The following CSMD1 variants were observed in gnomAD, a reference collection of about 807,000 sequenced individuals.
CSMD1 encodes the protein CUB and Sushi multiple domains 1.
A neutral mutation model predicts 417.5 loss-of-function variants in CSMD1; 213 were observed. The ratio of observed to expected loss-of-function variants is 0.51; its 90% CI spans 0.46 to 0.57. The LOEUF is 0.57. CSMD1 is among the 20% of genes least tolerant of loss of function. CSMD1 has a pLI of 0.00. For missense variants in CSMD1, 6,923 were observed against 4,529.7 expected (o/e 1.53, Z -15.17); for synonymous variants, 2,862 against 1,736.8 (o/e 1.65, Z -16.11).
chr8:3,289,442 A>G (rs1215350517), intron 25 of CSMD1, among the ~76,000 whole-genome samples: 4 of 147,502 alleles, frequency 2.7e-5, no homozygotes, highest in Non-Finnish European at 4.4e-5. Context: ...AGTCCCACCA[A>G]CAGTGTAAAA....
intron 5 of CSMD1, among the ~76,000 whole-genome samples, chr8:3,984,344 T>G (rs1400732998): frequency 6.6e-6 from 1 of 152,128 alleles, no homozygotes; most frequent in Non-Finnish European, 1.5e-5. Context: ...CAAAAGAAAA[T>G]GCTGACGACA....
At position 3,382,173 on chromosome 8, in the gene CSMD1, C is replaced by A. The variant is rs1356924193; in HGVS notation, c.2782+5321G>T. On this transcript the variant is annotated intron_variant, in intron 18 of 69. Coordinates refer to ENST00000635120, the MANE Select transcript of CSMD1 (RefSeq NM_033225.6). Reference sequence around the variant, plus strand: ...GCTCGGGAGGCTGAGGCAGGGTAATCGCTTGAACCTGGGAGGCGGAGGTTT... The same window carrying A: ...GCTCGGGAGGCTGAGGCAGGGTAATAGCTTGAACCTGGGAGGCGGAGGTTT... Among the ~76,000 whole-genome samples the A allele has an allele frequency of 3.9e-5, 6 of 151,916 alleles. No homozygotes were observed. In the East Asian group the frequency reaches 9.7e-4, roughly 25 times the overall value.
chr8:4,484,377 T>C (rs966047513), intron 2 of CSMD1, among the ~76,000 whole-genome samples: 1 of 152,156 alleles, frequency 6.6e-6, no homozygotes, highest in African/African-American at 2.4e-5. Context: ...ACTTACATTA[T>C]GAACACTCTC....
intron 2 of CSMD1, among the ~76,000 whole-genome samples, chr8:4,574,713 C>G (rs1799055103): frequency 6.6e-6 from 1 of 152,180 alleles, no homozygotes; most frequent in Admixed American, 6.5e-5. Context: ...GTCTTCTTTT[C>G]AAAACTAACC....
chr8:3,534,930 T>C (rs1044380255), intron 10 of CSMD1, among the ~76,000 whole-genome samples: 2 of 152,162 alleles, frequency 1.3e-5, no homozygotes, highest in Non-Finnish European at 2.9e-5. Flanking sequence ...TAGCCAGGGT[T>C]ACTGTAAGAC....
chr8:3,671,384 T>C (rs929353987), intron 7 of CSMD1, among the ~76,000 whole-genome samples: 7 of 147,670 alleles, frequency 4.7e-5, no homozygotes, highest in South Asian at 4.2e-4. Flanking sequence ...AACTTTTATA[T>C]CTCAGAAGCA....
At chr8:4,093,526 T>A (rs1429934923) in intron 3 of CSMD1, among the ~76,000 whole-genome samples, 1 of 152,216 alleles carries the variant, frequency 6.6e-6, no homozygotes, top group Non-Finnish European at 1.5e-5. Flanking sequence ...TATAGTGAAA[T>A]TTTACATACT....
intron 7 of CSMD1, among the ~76,000 whole-genome samples, chr8:3,637,033 T>C (rs957977385): frequency 2.0e-5 from 3 of 152,150 alleles, no homozygotes; most frequent in African/African-American, 7.2e-5. Context: ...GGAATAACGA[T>C]GCAGAAAGAA....
At chr8:3,984,336 A>T (rs1363171825) in intron 5 of CSMD1, among the ~76,000 whole-genome samples, 2 of 152,184 alleles carry the variant, frequency 1.3e-5, no homozygotes, top group Non-Finnish European at 2.9e-5. Flanking sequence ...TCCACTGCCA[A>T]AAGAAAATGC....
chr8:4,791,643 A>G (rs1046474842), intron 1 of CSMD1, among the ~76,000 whole-genome samples: 1 of 152,202 alleles, frequency 6.6e-6, no homozygotes, highest in Non-Finnish European at 1.5e-5. Flanking sequence ...TCACTTAAAA[A>G]TGGGCCCAAC....
chr8:3,539,428 TA>T (rs1798346049), intron 10 of CSMD1, among the ~76,000 whole-genome samples: 1 of 152,206 alleles, frequency 6.6e-6, no homozygotes, highest in South Asian at 2.1e-4. Flanking sequence ...CATTAGATTA[TA>T]CATCATGATG....
At chr8:3,696,319 G>T (rs568463221) in intron 7 of CSMD1, among the ~76,000 whole-genome samples, 4 of 152,052 alleles carry the variant, frequency 2.6e-5, no homozygotes, top group African/African-American at 7.2e-5. Context: ...TTCCATCTCC[G>T]AAGCACTTCA....
chr8:3,709,363 C>G (rs1801363436), intron 6 of CSMD1, among the ~76,000 whole-genome samples: 1 of 152,080 alleles, frequency 6.6e-6, no homozygotes, highest in Admixed American at 6.5e-5. Context: ...CAGGGTGGCC[C>G]CATGACCTAG....
intron 49 of CSMD1, among the ~76,000 whole-genome samples, chr8:3,074,325 T>C (rs1476836710): frequency 6.6e-6 from 1 of 152,162 alleles, no homozygotes; most frequent in Non-Finnish European, 1.5e-5. Context: ...TCTGAGCACA[T>C]TCTCCCTTCC....
intron 41 of CSMD1, among the ~76,000 whole-genome samples, chr8:3,137,615 T>C (rs1200059740): frequency 6.6e-6 from 1 of 152,246 alleles, no homozygotes; most frequent in Admixed American, 6.5e-5. Flanking sequence ...TGGTGCATTT[T>C]CATAAAATCT....
chr8:4,426,763 T>C (rs1797583983), intron 2 of CSMD1, among the ~76,000 whole-genome samples: 1 of 148,014 alleles, frequency 6.8e-6, no homozygotes, highest in African/African-American at 2.5e-5. Flanking sequence ...TAGTAATATT[T>C]TATATTACAA....
At chr8:3,554,318 C>T (rs555546010) in intron 10 of CSMD1, among the ~76,000 whole-genome samples, 2 of 152,236 alleles carry the variant, frequency 1.3e-5, no homozygotes, top group Admixed American at 6.5e-5. Context: ...AACATGAAGT[C>T]AGAAGAGTGA....
chr8:4,125,146 A>C (rs1053733906), intron 3 of CSMD1, among the ~76,000 whole-genome samples: 1 of 152,020 alleles, frequency 6.6e-6, no homozygotes, highest in African/African-American at 2.4e-5. Context: ...GATCAGGAGA[A>C]GACTTCTTGT....
rs1426827239 is a variant in CSMD1, at chr8:4,599,399, C to T, written c.302+37943G>A. Among the ~76,000 whole-genome samples the T allele has an allele frequency of 4.0e-5, 6 of 151,220 alleles. No homozygotes were observed. In the South Asian group the frequency reaches 1.3e-3, roughly 32 times the overall value. ...TTTCCTTAAAGATCTGTTGAGAATG[C>T]AAGGAGGAAAATTTTTGATAATCCT... On this transcript the variant is annotated intron_variant, in intron 2 of 69. Coordinates refer to ENST00000635120, the MANE Select transcript of CSMD1 (RefSeq NM_033225.6).
Sources: allele counts gnomAD v4.1 joint callset (sites outside exome capture counted in the v4.1 genomes callset), GRCh38; gene constraint gnomAD v4.1.1; transcripts MANE v1.5; gene names NCBI Gene and HGNC (gene_info 2026-07-23, HGNC 2026-07-21).